The following NCOA7 variants were observed in gnomAD, a reference collection of about 807,000 sequenced individuals.
The protein encoded by NCOA7 is 140 kDa estrogen receptor-associated protein.
In NCOA7, 45 loss-of-function variants were observed where a neutral mutation model predicts 104.3. The observed-to-expected ratio is 0.43, with a 90% CI of 0.34 to 0.55. NCOA7 has a LOEUF of 0.55. Among genes scored for constraint, NCOA7 ranks in the 20% least tolerant of loss-of-function variants. The pLI is 0.02. For missense variants in NCOA7, 1,041 were observed against 1,119.7 expected (o/e 0.93, Z 1.00); for synonymous variants, 398 against 402.3 (o/e 0.99, Z 0.13).
intron 13 of NCOA7, among the ~76,000 whole-genome samples, chr6:125,924,197 C>G (rs555284500): frequency 1.5e-4 from 23 of 152,300 alleles, no homozygotes; most frequent in African/African-American, 5.3e-4. Context: ...AGACTCTCAC[C>G]TAAGTATAGA....
chr6:125,832,674 T>A (rs1372919055), intron 2 of NCOA7, among the ~76,000 whole-genome samples: 4 of 152,208 alleles, frequency 2.6e-5, no homozygotes, highest in Non-Finnish European at 5.9e-5. Context: ...ATACCAAGGA[T>A]GCTCAAAGAT....
chr6:125,849,956 G>A (rs1021176926), intron 2 of NCOA7, among the ~76,000 whole-genome samples: 1 of 152,128 alleles, frequency 6.6e-6, no homozygotes, highest in Non-Finnish European at 1.5e-5. Context: ...ATGCTTAGAT[G>A]AAATAATGGG....
At chr6:125,866,250 AC>A (rs1402751605) in intron 3 of NCOA7, among the ~76,000 whole-genome samples, 5 of 151,356 alleles carry the variant, frequency 3.3e-5, no homozygotes, top group African/African-American at 4.9e-5. Flanking sequence ...AATCGCTTGA[AC>A]CCGTGAGGTG....
Position 125,889,518 on chromosome 6 carries a change from G to A in NCOA7, c.1464G>A (p.Glu488=). 1 of 1,614,134 alleles carries A rather than the reference G, an allele frequency of 6.2e-7. No homozygotes were observed. The highest frequency in any genetic ancestry group is 8.5e-7 in the Non-Finnish European group (1 of 1,180,010). Residue 488 remains glutamate (E), a synonymous_variant, in exon 9 of 16, where the codon GAG becomes GAA. Coordinates refer to ENST00000392477, the MANE Select transcript of NCOA7 (RefSeq NM_181782.5). ...GGGCGCTAGATTTAGAAACCTGTGA[G>A]AAGCAAGATATAATGCCAGAAGTGG... ...LKGALDLETC[E]KQDIMPEVDK...
At chr6:125,874,151 C>G (rs185146546) in intron 3 of NCOA7, among the ~76,000 whole-genome samples, 2 of 152,292 alleles carry the variant, frequency 1.3e-5, no homozygotes, top group African/African-American at 2.4e-5. Context: ...ATGGCGAAAC[C>G]CTGTCTCTAC....
chr6:125,880,071 A>G (rs879517014), intron 5 of NCOA7, among the ~76,000 whole-genome samples: 2 of 152,186 alleles, frequency 1.3e-5, no homozygotes, highest in Non-Finnish European at 2.9e-5. Flanking sequence ...AAGAATATTG[A>G]ATGACAGGAT....
chr6:125,787,262 T>C (rs1054107538), upstream of NCOA7, among the ~76,000 whole-genome samples: 1 of 152,196 alleles, frequency 6.6e-6, no homozygotes, highest in African/African-American at 2.4e-5. Context: ...ACATTACTAG[T>C]GTTGTATTCA....
chr6:125,905,313 G>A (rs1367218881), intron 10 of NCOA7, among the ~76,000 whole-genome samples: 2 of 148,960 alleles, frequency 1.3e-5, no homozygotes, highest in Non-Finnish European at 1.5e-5. Context: ...CTGGAGTGCA[G>A]CGGTGCGATC....
At chr6:125,890,088 C>T in intron 9 of NCOA7, 107 bp downstream of exon 9, 2 of 847,046 alleles carry the variant, frequency 2.4e-6, no homozygotes, top group Non-Finnish European at 3.4e-6. Flanking sequence ...ACAGTATTTT[C>T]TCAATAGAGT....
In NCOA7 at chr6:125,929,182, A is replaced by G. The variant is rs1456967247; in HGVS notation, c.*411A>G. 6.5e-6 allele frequency: 1 copy of G among 153,262 alleles called. No homozygotes were observed. Among genetic ancestry groups the G allele is most frequent in the Non-Finnish European group, 1.5e-5 (1 of 68,578 alleles). 9.5% of individuals were successfully genotyped at this position (153,262 alleles called of 1,614,324 possible). Reference sequence around the variant, plus strand: ...GTACAGCTATTATTTGCCATGGAAAAGGTTAGTCTCATTTAGAAAAATCGA... The same window carrying G: ...GTACAGCTATTATTTGCCATGGAAAGGGTTAGTCTCATTTAGAAAAATCGA... On this transcript the variant is annotated 3_prime_UTR_variant, in exon 16 of 16. Coordinates refer to ENST00000392477, the MANE Select transcript of NCOA7 (RefSeq NM_181782.5).
chr6:125,889,939 G>T lies in NCOA7; in HGVS notation c.1885G>T (p.Val629Phe). ...QGAQMDNKSE[V>F]QLWLLKRIQV... The stretch of plus-strand genomic sequence containing the variant: ...TGCACAAATGGATAATAAATCTGAA[G>T]TTCAGTTGTGGCTGTTAAAGAGAAT... The change falls in exon 9 of 16, where the codon GTT becomes TTT. Residue 629 changes from valine to phenylalanine, a missense_variant. This residue lies in a region of NCOA7 where 914 missense variants were observed against 942.7 expected (regional missense o/e 0.97). Transcript: ENST00000392477. 6.4e-7 allele frequency: 1 copy of T among 1,566,558 alleles called. No individual in the cohort carries two copies.
upstream of NCOA7, among the ~76,000 whole-genome samples, chr6:125,786,691 C>A (rs1774484658): frequency 6.6e-6 from 1 of 151,810 alleles, no homozygotes; most frequent in South Asian, 2.1e-4. Flanking sequence ...ATTCTCCTGC[C>A]TCAGCCTCCC....
intron 2 of NCOA7, among the ~76,000 whole-genome samples, chr6:125,822,497 C>T (rs187151060): frequency 6.6e-6 from 1 of 152,146 alleles, no homozygotes; most frequent in Non-Finnish European, 1.5e-5. Flanking sequence ...ATAACTTACC[C>T]CAAATCACTT....
chr6:125,790,877 G>A (rs1774770916), upstream of NCOA7: 1 of 152,592 alleles, frequency 6.6e-6, no homozygotes, highest in Non-Finnish European at 1.5e-5. Flanking sequence ...GGGGCCCCGC[G>A]GGCGCGCGCC....
intron 15 of NCOA7, 27 bp from the exon 16 acceptor site, chr6:125,928,609 C>CTT (rs76258285): frequency 1.0e-4 from 147 of 1,471,240 alleles, no homozygotes; most frequent in South Asian, 1.9e-4. Context: ...GTGTTTTTAC[C>CTT]TTTTTTTTTT....
At chr6:125,832,174 A>T (rs530871312) in intron 2 of NCOA7, among the ~76,000 whole-genome samples, 1 of 152,188 alleles carries the variant, frequency 6.6e-6, no homozygotes, top group African/African-American at 2.4e-5. Flanking sequence ...AATTAATCCA[A>T]ATCTACAAAA....
intron 9 of NCOA7, 99 bp downstream of exon 9, chr6:125,890,080 A>C: frequency 1.1e-6 from 1 of 930,926 alleles, no homozygotes. Context: ...ATTTGAAAAC[A>C]GTATTTTCTC....
In NCOA7 at chr6:125,855,069, G is replaced by A. The variant is rs781288780; in HGVS notation, c.100G>A (p.Val34Ile). ...AKQNAETASA[V>I]ATRTHTGKED... ...ACAAAATGCAGAGACAGCCTCAGCTGTAGCTACAAGGACTCATACTGGGAA... is the reference window on the plus strand; with the variant it reads ...ACAAAATGCAGAGACAGCCTCAGCTATAGCTACAAGGACTCATACTGGGAA... The change falls in exon 3 of 16, where the codon GTA (valine) becomes ATA (isoleucine). Residue 34 changes from valine to isoleucine, a missense_variant. By Grantham distance (29) the Val-to-Ile change is conservative. Around this residue, in one of 2 missense-constraint regions of NCOA7, gnomAD observed 914 missense variants for 942.7 expected, o/e 0.97. Transcript: ENST00000392477. The A allele has an allele frequency of 6.2e-7, 1 of 1,612,990 alleles. No individual in the cohort carries two copies. The highest frequency in any genetic ancestry group is 1.1e-5 in the South Asian group (1 of 91,052).
chr6:125,919,461 A>G (rs747021020), intron 11 of NCOA7: 1 of 1,605,614 alleles, frequency 6.2e-7, no homozygotes, highest in Non-Finnish European at 8.5e-7. Flanking sequence ...GAGGGCTAAT[A>G]AGGTGCTGGT....
Sources: gnomAD v4.1 joint callset for allele counts (sites outside exome capture counted in the v4.1 genomes callset) on GRCh38, gnomAD v4.1.1 for gene constraint, gnomAD v4.1.1 regional missense constraint, MANE v1.5 for transcripts, NCBI Gene and HGNC (gene_info 2026-07-23, HGNC 2026-07-21) for gene names.